TMEM132D: variants seen among roughly 807,000 people sequenced by gnomAD.
TMEM132D encodes the protein transmembrane protein 132D, also known as mature OL transmembrane protein.
TMEM132D carries 21 observed loss-of-function variants against 62.3 expected under a neutral mutation model. The ratio of observed to expected loss-of-function variants is 0.34; its 90% confidence interval spans 0.24 to 0.49. The LOEUF (loss-of-function observed/expected upper bound fraction) is 0.49. Among genes scored for constraint, TMEM132D ranks in the 20% least tolerant of loss-of-function variants. The pLI, the probability that TMEM132D is intolerant of heterozygous loss-of-function variation, is 0.99. For synonymous variants in TMEM132D, 621 were observed against 575.6 expected (o/e 1.08, Z -1.13); for missense variants, 1,346 against 1,402.8 (o/e 0.96, Z 0.65).
chr12:129,124,744 G>A (rs1876161821), intron 5 of TMEM132D, among the ~76,000 whole-genome samples: 1 of 152,160 alleles, frequency 6.6e-6, no homozygotes, highest in Admixed American at 6.5e-5. Context: ...TTCCAGCTCT[G>A]GGCTATTATG....
chr12:129,174,607 C>T (rs1877848138), intron 5 of TMEM132D, among the ~76,000 whole-genome samples: 1 of 152,104 alleles, frequency 6.6e-6, no homozygotes, highest in South Asian at 2.1e-4. Flanking sequence ...AATGAGATTG[C>T]TGGGTCAAAT....
At chr12:129,843,048 A>T (rs1873247113) in intron 1 of TMEM132D, among the ~76,000 whole-genome samples, 1 of 152,226 alleles carries the variant, frequency 6.6e-6, no homozygotes. Context: ...AAAACGTAAA[A>T]CACAAATGAG....
intron 3 of TMEM132D, among the ~76,000 whole-genome samples, chr12:129,527,359 T>C (rs1258777336): frequency 6.6e-6 from 1 of 152,148 alleles, no homozygotes; most frequent in African/African-American, 2.4e-5. Context: ...TGAAACGTTA[T>C]TTACAAAAAA....
intron 1 of TMEM132D, among the ~76,000 whole-genome samples, chr12:129,793,232 T>G (rs1207213402): frequency 2.6e-5 from 4 of 152,138 alleles, no homozygotes; most frequent in African/African-American, 9.7e-5. Context: ...TATTATATCT[T>G]GAACAATTCC....
chr12:129,105,490 A>G (rs1284972490), intron 5 of TMEM132D, among the ~76,000 whole-genome samples: 2 of 146,544 alleles, frequency 1.4e-5, no homozygotes, highest in Non-Finnish European at 3.0e-5. Context: ...ACATGTATAC[A>G]TATGTAACTA....
intron 3 of TMEM132D, among the ~76,000 whole-genome samples, chr12:129,444,468 T>C (rs1308909900): frequency 6.6e-6 from 1 of 152,112 alleles, no homozygotes; most frequent in Non-Finnish European, 1.5e-5. Context: ...ACAGAGATTA[T>C]TTTATTTTAT....
rs184107319 is a variant in TMEM132D at position 129,685,851 on chromosome 12, T to C, written c.968+13959A>G. Reference sequence around the variant, plus strand: ...ATCAGTGTGATCTGGATGTAAGACATGGAGTCAAAGTAGATTATGTGGGAA... The same window carrying C: ...ATCAGTGTGATCTGGATGTAAGACACGGAGTCAAAGTAGATTATGTGGGAA... On this transcript the variant is annotated intron_variant, in intron 2 of 8. Coordinates refer to ENST00000422113, the MANE Select transcript of TMEM132D (RefSeq NM_133448.3). 2.0e-5 allele frequency among the ~76,000 whole-genome samples: 3 copies of C among 152,322 alleles called. No homozygotes were observed. In the East Asian group the frequency reaches 5.8e-4, roughly 29 times the overall value.
At chr12:129,809,303 A>T (rs985454383) in intron 1 of TMEM132D, among the ~76,000 whole-genome samples, 5 of 100,280 alleles carry the variant, frequency 5.0e-5, no homozygotes, top group South Asian at 4.3e-4. Flanking sequence ...GCGAGACTCC[A>T]TATCAAAAAA....
chr12:129,764,022 G>C (rs1362134581), intron 1 of TMEM132D, among the ~76,000 whole-genome samples: 2 of 152,136 alleles, frequency 1.3e-5, no homozygotes, highest in African/African-American at 4.8e-5. Context: ...CCTCTGCCTA[G>C]AGAACCTGCC....
intron 3 of TMEM132D, among the ~76,000 whole-genome samples, chr12:129,381,934 T>A (rs1367824977): frequency 6.6e-6 from 1 of 152,200 alleles, no homozygotes; most frequent in East Asian, 1.9e-4. Context: ...TTTGGTACTT[T>A]ATGTAAATGA....
chr12:129,470,274 T>C (rs1407765715), intron 3 of TMEM132D, among the ~76,000 whole-genome samples: 1 of 152,208 alleles, frequency 6.6e-6, no homozygotes. Flanking sequence ...GTGCAAGATT[T>C]TGTAGGAGGT....
At chr12:129,883,866 T>C (rs898122667) in intron 1 of TMEM132D, among the ~76,000 whole-genome samples, 1 of 152,184 alleles carries the variant, frequency 6.6e-6, no homozygotes, top group Non-Finnish European at 1.5e-5. Context: ...TATTGACCTA[T>C]ACACCCCACC....
chr12:129,601,889 T>C (rs1178296237), intron 2 of TMEM132D, among the ~76,000 whole-genome samples: 1 of 152,118 alleles, frequency 6.6e-6, no homozygotes, highest in African/African-American at 2.4e-5. Context: ...CATGAGCTCA[T>C]GCTGTTGGAA....
At chr12:129,595,705 C>A (rs915900518) in intron 2 of TMEM132D, among the ~76,000 whole-genome samples, 1 of 152,122 alleles carries the variant, frequency 6.6e-6, no homozygotes, top group Non-Finnish European at 1.5e-5. Context: ...GCCTTCTGAC[C>A]CTGGGGGCCA....
chr12:129,672,481 AAC>A (rs746120247), intron 2 of TMEM132D, among the ~76,000 whole-genome samples: 20 of 152,194 alleles, frequency 1.3e-4, no homozygotes, highest in Admixed American at 7.2e-4. Flanking sequence ...GGTGTGGTAC[AAC>A]AGTTAGTGTT....
rs538786825 is a variant in TMEM132D at position 129,094,588 on chromosome 12, T to A, written c.1444-9886A>T. 1.2e-4 allele frequency among the ~76,000 whole-genome samples: 18 copies of A among 152,334 alleles called. No individual in the cohort carries two copies. In the South Asian group the frequency reaches 3.3e-3, roughly 28 times the overall value. ...AACACTTTTACACTGTTGGTGGGACTGTAAACTAGTTCAACCATTGTGGAA... is the reference window on the plus strand; with the variant it reads ...AACACTTTTACACTGTTGGTGGGACAGTAAACTAGTTCAACCATTGTGGAA... On this transcript the variant is annotated intron_variant, in intron 5 of 8. Coordinates refer to ENST00000422113, the MANE Select transcript of TMEM132D (RefSeq NM_133448.3).
At chr12:129,769,901 T>C (rs1870677911) in intron 1 of TMEM132D, among the ~76,000 whole-genome samples, 1 of 152,194 alleles carries the variant, frequency 6.6e-6, no homozygotes, top group African/African-American at 2.4e-5. Flanking sequence ...TTTTTTCCCC[T>C]GGGACAAGGT....
Position 129,817,653 on chromosome 12 carries a change from T to A in TMEM132D, c.79+85608A>T, listed in dbSNP as rs369306744. On this transcript the variant is annotated intron_variant, in intron 1 of 8. Coordinates refer to ENST00000422113, the MANE Select transcript of TMEM132D (RefSeq NM_133448.3). ...TGTGTAATGTGGGGTGTGTCTGTAA[T>A]ATGGGGTGTGTGGGGGGTATGTGTG... Among the ~76,000 whole-genome samples the A allele has an allele frequency of 1.6e-4, 18 of 115,760 alleles. 3 individuals are homozygous for A. Among genetic ancestry groups the A allele is most frequent in the African/African-American group, 6.0e-4 (18 of 30,120 alleles). 75.9% of individuals were successfully genotyped at this position (115,760 alleles called of 152,430 possible).
chr12:129,833,831 C>G lies in TMEM132D; in HGVS notation c.79+69430G>C, dbSNP rs186197412. ...GTGTCAGTCTACAGGAAACTCCTCT[C>G]AAGCAAATAGCATAACTAGGTCTGG... On this transcript the variant is annotated intron_variant, in intron 1 of 8. Coordinates refer to ENST00000422113, the MANE Select transcript of TMEM132D (RefSeq NM_133448.3). Among the ~76,000 whole-genome samples, 281 of 152,302 alleles carry G rather than the reference C, an allele frequency of 1.8e-3. 1 individual carries two copies. Among genetic ancestry groups the G allele is most frequent in the Non-Finnish European group, 8.8e-4 (60 of 68,034 alleles).
Sources: gnomAD v4.1 joint callset for allele counts (sites outside exome capture counted in the v4.1 genomes callset) on GRCh38, gnomAD v4.1.1 for gene constraint, MANE v1.5 for transcripts, NCBI Gene and HGNC (gene_info 2026-07-23, HGNC 2026-07-21) for gene names.